Variants in DLGAP1 observed in about 807,000 individuals in gnomAD.
The protein encoded by DLGAP1 is disks large-associated protein 1.
DLGAP1 carries 11 observed loss-of-function variants against 90.8 expected under a neutral mutation model. The ratio of observed to expected loss-of-function variants is 0.12; its 90% CI spans 0.08 to 0.20. The LOEUF (loss-of-function observed/expected upper bound fraction) is 0.20. Ranked by LOEUF, DLGAP1 falls within the 10% of genes least tolerant of loss-of-function variation. The probability of loss-of-function intolerance (pLI) is 1.00; values close to 1 mark genes in which losing one functional copy is unlikely to be tolerated. For synonymous variants in DLGAP1, 558 were observed against 540.7 expected, an observed-to-expected ratio of 1.03 and a Z score of -0.44; for missense variants, 1,050 against 1,333.8, an observed-to-expected ratio of 0.79 and a Z score of 3.31.
intron 10 of DLGAP1, among the ~76,000 whole-genome samples, chr18:3,529,785 C>G (rs1404759370): frequency 2.0e-5 from 3 of 152,172 alleles, no homozygotes; most frequent in Admixed American, 1.3e-4. Flanking sequence ...CCTGGAACAA[C>G]AGATGGTTGG....
intron 5 of DLGAP1, among the ~76,000 whole-genome samples, chr18:3,764,858 T>C (rs558330069): frequency 1.3e-5 from 2 of 152,306 alleles, no homozygotes; most frequent in East Asian, 3.9e-4. Context: ...TATCTGGTTT[T>C]TGTTCTAGGT....
intron 2 of DLGAP1, among the ~76,000 whole-genome samples, chr18:4,108,489 T>C (rs998071738): frequency 6.6e-6 from 1 of 152,076 alleles, no homozygotes; most frequent in African/African-American, 2.4e-5. Flanking sequence ...GAACCTGTAA[T>C]TGGATGAGGA....
chr18:4,286,209 T>C (rs1379389204), intron 1 of DLGAP1, among the ~76,000 whole-genome samples: 1 of 151,894 alleles, frequency 6.6e-6, no homozygotes, highest in East Asian at 1.9e-4. Flanking sequence ...TATTATATGG[T>C]AGAGGAGAGA....
chr18:3,609,599 G>A (rs1296205655), intron 7 of DLGAP1, among the ~76,000 whole-genome samples: 1 of 152,148 alleles, frequency 6.6e-6, no homozygotes, highest in Admixed American at 6.5e-5. Context: ...CATCTGTTGA[G>A]TTAGGATAAC....
rs59217055 is a variant in DLGAP1, at chr18:4,323,434, T to C, written c.-267+131572A>G. On this transcript the variant is annotated intron_variant, in intron 1 of 12. Transcript: ENST00000315677. ...AATCCAACATTCCTACTTCTGGCTA[T>C]ATATATAAAGGAATTGAAATCAGTG... Among the ~76,000 whole-genome samples the C allele has an allele frequency of 1.7e-3, 257 of 152,292 alleles. 1 individual carries two copies. The highest frequency in any genetic ancestry group is 6.0e-3 in the African/African-American group (250 of 41,576).
At position 4,322,015 on chromosome 18, in the gene DLGAP1, C is replaced by T. The variant is rs1330808142; in HGVS notation, c.-267+132991G>A. Among the ~76,000 whole-genome samples, 4 of 152,022 alleles carry T rather than the reference C, an allele frequency of 2.6e-5. No individual in the cohort carries two copies. In the East Asian group the frequency reaches 5.8e-4, roughly 22 times the overall value. Reference sequence around the variant, plus strand: ...AGGAGTTCGAGACCAGCCTGGTCAACGTGGTGAAACCCTGTCTCTACTAAA... The same window carrying T: ...AGGAGTTCGAGACCAGCCTGGTCAATGTGGTGAAACCCTGTCTCTACTAAA... On this transcript the variant is annotated intron_variant, in intron 1 of 12. Transcript: ENST00000315677.
intron 3 of DLGAP1, among the ~76,000 whole-genome samples, chr18:3,943,206 T>C (rs1407741338): frequency 1.3e-5 from 2 of 152,180 alleles, no homozygotes; most frequent in South Asian, 2.1e-4. Flanking sequence ...TCTGCACGCC[T>C]CTGTCATTTT....
intron 3 of DLGAP1, among the ~76,000 whole-genome samples, chr18:3,961,995 G>A (rs1346214271): frequency 6.6e-6 from 1 of 152,148 alleles, no homozygotes; most frequent in African/African-American, 2.4e-5. Flanking sequence ...GGATCCCTTC[G>A]CCGTGTATTA....
In DLGAP1 at chr18:3,616,394, C is replaced by T. The variant is rs564644965; in HGVS notation, c.1592-34146G>A. On this transcript the variant is annotated intron_variant, in intron 7 of 12. Transcript: ENST00000315677. ...TTTGTGTTTGAGAGGTGAGCCCATT[C>T]GGTGGTCTGAGGGCGATAGTTTGCC... Among the ~76,000 whole-genome samples the T allele has an allele frequency of 1.4e-4, 21 of 152,224 alleles. No homozygotes were observed. The South Asian group carries it at 2.7e-3, about 20-fold the overall frequency.
intron 1 of DLGAP1, among the ~76,000 whole-genome samples, chr18:4,328,724 T>C (rs1439647720): frequency 2.0e-5 from 3 of 151,998 alleles, no homozygotes; most frequent in Admixed American, 6.6e-5. Flanking sequence ...GACCTTTTCA[T>C]CTTAGCCACC....
At chr18:3,741,904 G>C (rs1473895479) in intron 6 of DLGAP1, among the ~76,000 whole-genome samples, 1 of 151,078 alleles carries the variant, frequency 6.6e-6, no homozygotes, top group Non-Finnish European at 1.5e-5. Context: ...GTGCAGTGAC[G>C]TGATCTCGGT....
chr18:4,086,740 A>C (rs1327367476), intron 2 of DLGAP1, among the ~76,000 whole-genome samples: 1 of 151,988 alleles, frequency 6.6e-6, no homozygotes, highest in Non-Finnish European at 1.5e-5. Flanking sequence ...TGAATGCTCC[A>C]TATGCACTTA....
intron 10 of DLGAP1, among the ~76,000 whole-genome samples, chr18:3,511,943 G>A (rs1215336082): frequency 6.6e-6 from 1 of 152,150 alleles, no homozygotes; most frequent in African/African-American, 2.4e-5. Context: ...GTGTTAGACT[G>A]GGGCAATCTC....
intron 5 of DLGAP1, among the ~76,000 whole-genome samples, chr18:3,757,648 A>T (rs1036433036): frequency 6.6e-6 from 1 of 152,242 alleles, no homozygotes; most frequent in Non-Finnish European, 1.5e-5. Context: ...TAAACCCACA[A>T]GATCGTCTCA....
intron 2 of DLGAP1, among the ~76,000 whole-genome samples, chr18:4,107,618 G>A (rs2075892953): frequency 2.6e-5 from 4 of 152,206 alleles, no homozygotes; most frequent in Admixed American, 2.6e-4. Flanking sequence ...AAAAACCGTT[G>A]AACTACACAT....
chr18:4,233,304 G>C (rs1362814528), intron 1 of DLGAP1, among the ~76,000 whole-genome samples: 1 of 152,118 alleles, frequency 6.6e-6, no homozygotes, highest in Non-Finnish European at 1.5e-5. Context: ...CTTCTAATCT[G>C]TGGCAATTCC....
In DLGAP1 at chr18:3,729,085, G is replaced by A. The variant is rs146276029; in HGVS notation, c.1591+50C>T. On this transcript the variant is annotated intron_variant, in intron 7 of 12. Transcript: ENST00000315677. This position sits in a 1 kb window ranked among gnomAD's most constrained non-coding sequence, Gnocchi z 6.2. ...AAGGGCACAGTCTTTGGGGACAGTC[G>A]TGCCATAGCCAGCACAGGGGCCAGG... 106 of 1,557,086 alleles carry A rather than the reference G, an allele frequency of 6.8e-5. 2 individuals are homozygous for A. In the East Asian group the frequency reaches 2.4e-3, roughly 35 times the overall value.
chr18:4,269,331 T>C (rs1341932768), intron 1 of DLGAP1, among the ~76,000 whole-genome samples: 1 of 140,722 alleles, frequency 7.1e-6, no homozygotes, highest in African/African-American at 2.8e-5. Flanking sequence ...ATTTTATATA[T>C]ACATATATAT....
chr18:4,367,413 A>G (rs2081800259), intron 1 of DLGAP1, among the ~76,000 whole-genome samples: 2 of 152,050 alleles, frequency 1.3e-5, no homozygotes, highest in Non-Finnish European at 2.9e-5. Context: ...CTTACCAAGT[A>G]AGTTTTCTTT....
Sources: gnomAD v4.1 joint callset for allele counts (sites outside exome capture counted in the v4.1 genomes callset) on GRCh38, gnomAD v4.1.1 for gene constraint, Gnocchi (gnomAD v3.1) non-coding constraint, MANE v1.5 for transcripts, NCBI Gene and HGNC (gene_info 2026-07-23, HGNC 2026-07-21) for gene names.